EXOC3L2: variants seen among roughly 807,000 people sequenced by gnomAD.
EXOC3L2 encodes the protein exocyst complex component 3-like protein 2.
A neutral mutation model predicts 44.4 loss-of-function variants in EXOC3L2; 17 were observed. The observed-to-expected ratio is 0.38, with a 90% CI of 0.26 to 0.57. The LOEUF is 0.57. Ranked by LOEUF, EXOC3L2 falls within the 20% of genes least tolerant of loss-of-function variation. The pLI is 0.65. For synonymous variants in EXOC3L2, 256 were observed against 253.7 expected (o/e 1.01, Z -0.09); for missense variants, 541 against 588.4 (o/e 0.92, Z 0.83).
chr19:45,233,172 C>CAGCACTGCACTCCAGCTTGGGCGACA (rs1970048651), intron 3 of EXOC3L2, among the ~76,000 whole-genome samples: 1 of 152,100 alleles, frequency 6.6e-6, no homozygotes, highest in Non-Finnish European at 1.5e-5. Flanking sequence ...GCAGAGATTG[C>CAGCACTGCACTCCAGCTTGGGCGACA]AGCACTGCAC....
chr19:45,219,076 G>C (rs188601304), intron 8 of EXOC3L2, among the ~76,000 whole-genome samples: 1 of 151,972 alleles, frequency 6.6e-6, no homozygotes, highest in Non-Finnish European at 1.5e-5. Context: ...AGCCGGGCGC[G>C]GTGGCGTGCA....
chr19:45,237,070 G>A (rs959723950), intron 2 of EXOC3L2, among the ~76,000 whole-genome samples: 1 of 151,762 alleles, frequency 6.6e-6, no homozygotes, highest in South Asian at 2.1e-4. Context: ...GCTGAGAGGG[G>A]CCTGGGGTTG....
Position 45,212,964 on chromosome 19 carries a change from C to T in EXOC3L2, c.*105G>A. 1 of 1,283,766 alleles carries T rather than the reference C, an allele frequency of 7.8e-7. No homozygotes were observed. Among genetic ancestry groups the T allele is most frequent in the Non-Finnish European group, 1.0e-6 (1 of 980,424 alleles). 79.5% of individuals were successfully genotyped at this position (1,283,766 alleles called of 1,614,324 possible). A position where few individuals can be genotyped will look rare whatever the true frequency, so the allele number is the denominator to read the frequency against. On this transcript the variant is annotated 3_prime_UTR_variant, in exon 12 of 12. Coordinates refer to ENST00000413988, the MANE Select transcript of EXOC3L2 (RefSeq NM_001382422.1). ...AAAGACATCTAAGGGTCTTTCTATC[C>T]CAGGGGTGTGTGGTCCCAGGCAGGG...
At chr19:45,230,500 G>A (rs535535825) in intron 4 of EXOC3L2, among the ~76,000 whole-genome samples, 2 of 152,246 alleles carry the variant, frequency 1.3e-5, no homozygotes, top group African/African-American at 4.8e-5. Flanking sequence ...TTACAGGCGT[G>A]AGCCACTGTG....
chr19:45,236,888 C>G (rs188857795), intron 2 of EXOC3L2, among the ~76,000 whole-genome samples: 22 of 151,718 alleles, frequency 1.5e-4, no homozygotes, highest in African/African-American at 5.1e-4. Flanking sequence ...GCCTGTAATC[C>G]CAGCTACTCA....
rs75426681 is a variant in EXOC3L2, at chr19:45,228,257, G to T, written c.1279C>A (p.Arg427=). Residue 427 remains arginine (R), a synonymous_variant, in exon 5 of 12, where the codon CGG becomes AGG. Coordinates refer to ENST00000413988, the MANE Select transcript of EXOC3L2 (RefSeq NM_001382422.1). ...ECVTDVKAQT[R]AALLRVLQED... The stretch of plus-strand genomic sequence containing the variant: ...TGCAGCACACGGAGAAGGGCAGCCC[G>T]GGTCTGAGCCTACAGTAGGGAGAGG... 30,341 of 1,613,940 alleles carry T rather than the reference G, an allele frequency of 0.019. 393 individuals are homozygous for T. Among genetic ancestry groups the T allele is most frequent in the African/African-American group, 0.051 (3,849 of 74,980 alleles).
At position 45,218,293 on chromosome 19, in the gene EXOC3L2, C is replaced by T. The variant is rs764955482; in HGVS notation, c.1746G>A (p.Arg582=). 2 of 1,608,268 alleles carry T rather than the reference C, an allele frequency of 1.2e-6. No individual in the cohort carries two copies. Among genetic ancestry groups the T allele is most frequent in the Non-Finnish European group, 1.7e-6 (2 of 1,178,114 alleles). ...LQPHFNKLMR[R]KWLSSPEALD... is the part of the protein sequence containing the mutation. The stretch of plus-strand genomic sequence containing the variant: ...GGGCCTCCGGGCTGCTCAGCCACTT[C>T]CGGCGCATCAGCTTGTTGAAGTGTG... The change falls in exon 9 of 12, where the codon CGG becomes CGA. Residue 582 remains arginine (R), a synonymous_variant. Transcript: ENST00000413988.
chr19:45,238,161 A>T lies in EXOC3L2; in HGVS notation c.523+362T>A, dbSNP rs1182044508. 6.6e-6 allele frequency among the ~76,000 whole-genome samples: 1 copy of T among 152,054 alleles called. No homozygotes were observed. Among genetic ancestry groups the T allele is most frequent in the East Asian group, 1.9e-4 (1 of 5,200 alleles). ...TAATAATAAAATAAATAAAATAAAG[A>T]AATTGAAGAAATTGGGGATAGAAAG... On this transcript the variant is annotated intron_variant, in intron 2 of 11. Coordinates refer to ENST00000413988, the MANE Select transcript of EXOC3L2 (RefSeq NM_001382422.1). This position sits in a 1 kb window ranked among gnomAD's most constrained non-coding sequence, Gnocchi z 5.5.
chr19:45,215,812 G>C (rs1341696047), intron 11 of EXOC3L2, among the ~76,000 whole-genome samples: 1 of 152,208 alleles, frequency 6.6e-6, no homozygotes, highest in Admixed American at 6.5e-5. Context: ...CCTCCAGGCA[G>C]CCCTGCGCCC....
chr19:45,224,712 G>T, intron 8 of EXOC3L2, 66 bp downstream of exon 8: 44 of 1,511,182 alleles, frequency 2.9e-5, no homozygotes, highest in Non-Finnish European at 3.8e-5. Context: ...GGAACTGGAG[G>T]ATGGTGGGGG....
intron 1 of EXOC3L2, among the ~76,000 whole-genome samples, chr19:45,240,547 G>A (rs1306366499): frequency 6.6e-6 from 1 of 152,132 alleles, no homozygotes; most frequent in African/African-American, 2.4e-5. Flanking sequence ...CTAGATAAAG[G>A]TGATGGTTGT....
chr19:45,213,114 AGGCAGACAGGCCAAACTGGGCCT>A lies in EXOC3L2; in HGVS notation c.2341_2363del (p.Arg781SerfsTer41). ...GCGCTAGAGACGGAGGCCGGGGCCG[AGGCAGACAGGCCAAACTGGGCCT>A]GGCCAGCCGGGAGAGGGGGAGGCGG... is the stretch of plus-strand genomic sequence containing the variant. On this transcript the variant is annotated frameshift_variant, in exon 12 of 12. Transcript: ENST00000413988. LOFTEE classifies it high-confidence loss of function. The A allele has an allele frequency of 6.4e-7, 1 of 1,551,074 alleles. No individual in the cohort carries two copies. Among genetic ancestry groups the A allele is most frequent in the Non-Finnish European group, 8.7e-7 (1 of 1,152,372 alleles).
chr19:45,240,472 G>GGGAATGGCGAGTGGCTGCTAAT (rs1396911362), intron 1 of EXOC3L2, among the ~76,000 whole-genome samples: 5 of 152,104 alleles, frequency 3.3e-5, no homozygotes, highest in Non-Finnish European at 5.9e-5. Flanking sequence ...GGAGAGAACG[G>GGGAATGGCGAGTGGCTGCTAAT]GGAATGGCGA....
chr19:45,223,632 G>A (rs1284870053), intron 8 of EXOC3L2, among the ~76,000 whole-genome samples: 1 of 148,448 alleles, frequency 6.7e-6, no homozygotes, highest in East Asian at 2.2e-4. Flanking sequence ...GTGAGCCACC[G>A]CACCCAGTCA....
Position 45,244,577 on chromosome 19 carries a change from G to T in EXOC3L2, c.-17+764C>A, listed in dbSNP as rs185176917. Among the ~76,000 whole-genome samples, 91 of 151,900 alleles carry T rather than the reference G, an allele frequency of 6.0e-4. 1 individual carries two copies. Among genetic ancestry groups the T allele is most frequent in the African/African-American group, 2.1e-3 (88 of 41,444 alleles). ...AGTGCCCAGCCCCTGACTCACTTCC[G>T]AGGCATCCCTCAAGCCCCCAGCCTC... On this transcript the variant is annotated intron_variant, in intron 1 of 11. Transcript: ENST00000413988.
At chr19:45,226,149 T>G (rs1969957831) in intron 7 of EXOC3L2, among the ~76,000 whole-genome samples, 2 of 152,196 alleles carry the variant, frequency 1.3e-5, no homozygotes, top group Non-Finnish European at 2.9e-5. Flanking sequence ...GGAGGAACCC[T>G]GCACATATGT....
chr19:45,239,528 T>C (rs868455556), intron 1 of EXOC3L2, among the ~76,000 whole-genome samples: 16 of 147,870 alleles, frequency 1.1e-4, no homozygotes, highest in African/African-American at 3.5e-4. Context: ...TTTTTTTTTT[T>C]TCTTTTGAGA....
chr19:45,231,954 C>G, intron 3 of EXOC3L2, 80 bp from the exon 4 acceptor site: 2 of 853,482 alleles, frequency 2.3e-6, no homozygotes, highest in Non-Finnish European at 1.8e-6. Flanking sequence ...CCCTCCTACC[C>G]ACTGTTTCTG....
chr19:45,213,242 G>T lies in EXOC3L2; in HGVS notation c.2236C>A (p.Pro746Thr). The T allele has an allele frequency of 6.2e-7, 1 of 1,613,338 alleles. No individual in the cohort carries two copies. Among genetic ancestry groups the T allele is most frequent in the Non-Finnish European group, 8.5e-7 (1 of 1,179,612 alleles). The stretch of plus-strand genomic sequence containing the variant: ...GCAAAGAAGGCACGGTCCCGAGGGG[G>T]TGACAGGGCTCCCTCCTCAGAGAGT... ...LELSEEGALS[P>T]PRDRAFFADI... is the part of the protein sequence containing the mutation. The change falls in exon 12 of 12, where the codon CCC becomes ACC. Residue 746 changes from proline (P) to threonine (T), a missense_variant. Transcript: ENST00000413988.
Sources: allele counts gnomAD v4.1 joint callset (sites outside exome capture counted in the v4.1 genomes callset), GRCh38; gene constraint gnomAD v4.1.1; non-coding constraint Gnocchi (gnomAD v3.1); transcripts MANE v1.5; gene names NCBI Gene and HGNC (gene_info 2026-07-23, HGNC 2026-07-21).